The following CFAP36 variants were observed in gnomAD, a reference collection of about 807,000 sequenced individuals.
CFAP36 encodes the protein cilia- and flagella-associated protein 36.
CFAP36 carries 37 observed loss-of-function variants against 50.5 expected under a neutral mutation model. The ratio of observed to expected loss-of-function variants is 0.73; its 90% CI spans 0.56 to 0.96. The LOEUF is 0.96. Among genes scored for constraint, CFAP36 ranks in the 50% least tolerant of loss-of-function variants. The pLI is 0.00. For synonymous variants in CFAP36, 138 were observed against 128.2 expected (o/e 1.08, Z -0.52); for missense variants, 407 against 396.2 (o/e 1.03, Z -0.23).
intron 4 of CFAP36, chr2:55,530,939 A>C (rs925996812): frequency 6.6e-6 from 1 of 152,200 alleles, no homozygotes; most frequent in Non-Finnish European, 1.5e-5. Flanking sequence ...CCGTTGTTGC[A>C]TGGCAAACAT....
At position 55,522,133 on chromosome 2, in the gene CFAP36, C is replaced by A; in HGVS notation, c.147C>A (p.Thr49=). The A allele has an allele frequency of 1.3e-6, 2 of 1,539,134 alleles. No homozygotes were observed. Among genetic ancestry groups the A allele is most frequent in the African/African-American group, 1.4e-5 (1 of 72,574 alleles). Reference sequence around the variant, plus strand: ...ATGATGAAGAAGAAAGCAAATTGACCTATACAGAGATTCATCAGGAATACA... The same window carrying A: ...ATGATGAAGAAGAAAGCAAATTGACATATACAGAGATTCATCAGGAATACA... ...VFDDEEESKL[T]YTEIHQEYKE... is the part of the protein sequence containing the mutation. Residue 49 remains threonine (T), a synonymous_variant, in exon 2 of 10, where the codon ACC becomes ACA. Transcript: ENST00000349456.
intron 2 of CFAP36, among the ~76,000 whole-genome samples, chr2:55,522,489 TA>T (rs1313399447): frequency 1.3e-5 from 2 of 152,194 alleles, no homozygotes; most frequent in Non-Finnish European, 2.9e-5. Context: ...GTGATTTTTT[TA>T]TTTTTTATTT....
At chr2:55,538,725 G>A (rs558739196) in intron 7 of CFAP36, 20 of 1,496,144 alleles carry the variant, frequency 1.3e-5, no homozygotes, top group Admixed American at 2.2e-5. Context: ...TTATAGGCAT[G>A]AGCCACTGTA....
intron 7 of CFAP36, chr2:55,539,017 C>T: frequency 9.9e-7 from 1 of 1,014,546 alleles, no homozygotes; most frequent in Non-Finnish European, 1.3e-6. Flanking sequence ...AGAGATTTCC[C>T]CCATATAGTC....
intron 7 of CFAP36, among the ~76,000 whole-genome samples, chr2:55,543,025 A>G (rs931141797): frequency 2.0e-5 from 3 of 151,738 alleles, no homozygotes; most frequent in African/African-American, 7.3e-5. Context: ...TGCACAGACA[A>G]AATTCTGTTT....
intron 4 of CFAP36, 86 bp downstream of exon 4, chr2:55,529,078 G>T: frequency 1.1e-6 from 1 of 878,544 alleles, no homozygotes; most frequent in Admixed American, 2.8e-5. Context: ...AAATGTAGCT[G>T]TCTCATGTAC....
In CFAP36 at chr2:55,544,006, T is replaced by G; in HGVS notation, c.709T>G (p.Ser237Ala). ...AAGAAAAGTGGAAAGGTCTGAAACTTCCTCCCTCCCACAAAAAGACCTGAA... is the reference window on the plus strand; with the variant it reads ...AAGAAAAGTGGAAAGGTCTGAAACTGCCTCCCTCCCACAAAAAGACCTGAA... ...LGRKVERSET[S>A]SLPQKDLKIP... Residue 237 changes from serine to alanine, a missense_variant, in exon 8 of 10, where the codon TCC becomes GCC. Ser to Ala is a moderately conservative substitution (Grantham distance 99, BLOSUM62 1). Coordinates refer to ENST00000349456, the MANE Select transcript of CFAP36 (RefSeq NM_080667.7). 6.2e-7 allele frequency: 1 copy of G among 1,613,698 alleles called. No homozygotes were observed. The highest frequency in any genetic ancestry group is 8.5e-7 in the Non-Finnish European group (1 of 1,179,746).
chr2:55,529,207 G>A (rs566644650), intron 4 of CFAP36, among the ~76,000 whole-genome samples: 1 of 152,180 alleles, frequency 6.6e-6, no homozygotes, highest in East Asian at 1.9e-4. Context: ...AGACCATGAG[G>A]TCAGGAGATC....
intron 2 of CFAP36, 78 bp from the exon 3 acceptor site, chr2:55,523,643 T>C (rs1250017455): frequency 1.1e-6 from 1 of 886,112 alleles, no homozygotes; most frequent in Non-Finnish European, 1.7e-6. Flanking sequence ...GATACTTTTC[T>C]AAACTAAATA....
At chr2:55,530,219 A>T (rs990537769) in intron 4 of CFAP36, among the ~76,000 whole-genome samples, 8 of 152,188 alleles carry the variant, frequency 5.3e-5, no homozygotes, top group Non-Finnish European at 1.0e-4. Flanking sequence ...TTCCTGCACA[A>T]GCTCTCTCTT....
intron 3 of CFAP36, among the ~76,000 whole-genome samples, chr2:55,524,291 CTA>C (rs2103634532): frequency 6.6e-6 from 1 of 152,200 alleles, no homozygotes; most frequent in South Asian, 2.1e-4. Flanking sequence ...GGGTCTCACT[CTA>C]TTGCTCAGGC....
At chr2:55,526,528 A>C (rs1381413322) in intron 3 of CFAP36, among the ~76,000 whole-genome samples, 1 of 152,086 alleles carries the variant, frequency 6.6e-6, no homozygotes, top group Non-Finnish European at 1.5e-5. Context: ...TGCAACCTCT[A>C]ACTCCTGGGT....
chr2:55,538,427 T>C (rs1355964483), intron 7 of CFAP36, among the ~76,000 whole-genome samples: 1 of 151,772 alleles, frequency 6.6e-6, no homozygotes, highest in African/African-American at 2.4e-5. Context: ...CCTGAGTAGC[T>C]GGGATTACAG....
chr2:55,529,413 C>T (rs1002417292), intron 4 of CFAP36, among the ~76,000 whole-genome samples: 2 of 150,182 alleles, frequency 1.3e-5, no homozygotes, highest in Non-Finnish European at 3.0e-5. Flanking sequence ...CAGAGTGAGA[C>T]CCTGTCTCAA....
intron 7 of CFAP36, among the ~76,000 whole-genome samples, chr2:55,541,302 C>G (rs944931795): frequency 6.6e-6 from 1 of 152,152 alleles, no homozygotes; most frequent in Non-Finnish European, 1.5e-5. Context: ...CCAGCCTGGG[C>G]AACAAGAGCG....
chr2:55,543,854 T>G (rs1416227229), intron 7 of CFAP36, 84 bp from the exon 8 acceptor site: 4 of 1,284,936 alleles, frequency 3.1e-6, no homozygotes, highest in Admixed American at 3.9e-5. Context: ...ATTATTAACA[T>G]TAGCTCATTT....
At chr2:55,541,020 T>TAAAATAAA (rs1189859451) in intron 7 of CFAP36, among the ~76,000 whole-genome samples, 101 of 149,710 alleles carry the variant, frequency 6.7e-4, no homozygotes, top group African/African-American at 2.0e-3. Context: ...CTCAAAAAAA[T>TAAAATAAA]AAAATAAAAA....
In CFAP36 at chr2:55,544,036, C is replaced by A. The variant is rs370286928; in HGVS notation, c.739C>A (p.Pro247Thr). Residue 247 changes from proline (P) to threonine (T), a missense_variant, in exon 8 of 10, where the codon CCT becomes ACT. Pro to Thr is a conservative substitution (Grantham distance 38, BLOSUM62 -1). Coordinates refer to ENST00000349456, the MANE Select transcript of CFAP36 (RefSeq NM_080667.7). ...SSLPQKDLKIPGLEHASIEGP... is the reference protein window; with the variant it reads ...SSLPQKDLKITGLEHASIEGP... ...CCTCCCACAAAAAGACCTGAAGATT[C>A]CTGGCTTAGAGCATGCGAGCATTGA... 1 of 1,613,876 alleles carries A rather than the reference C, an allele frequency of 6.2e-7. No individual in the cohort carries two copies. The highest frequency in any genetic ancestry group is 2.2e-5 in the East Asian group (1 of 44,884).
chr2:55,523,685 C>A (rs183907046), intron 2 of CFAP36, 36 bp from the exon 3 acceptor site: 22 of 1,378,166 alleles, frequency 1.6e-5, no homozygotes, highest in Non-Finnish European at 1.9e-5. Context: ...TAGAATTTTT[C>A]TATGTAATTA....
Sources: allele counts gnomAD v4.1 joint callset (sites outside exome capture counted in the v4.1 genomes callset), GRCh38; gene constraint gnomAD v4.1.1; transcripts MANE v1.5; gene names NCBI Gene and HGNC (gene_info 2026-07-23, HGNC 2026-07-21).